VSTM5: variants seen among roughly 807,000 people sequenced by gnomAD.
VSTM5 encodes V-set and transmembrane domain containing 5.
VSTM5 carries 21 observed loss-of-function variants against 20.3 expected under a neutral mutation model. That is an observed-to-expected ratio of 1.03 (90% CI 0.73 to 1.49). VSTM5 has a LOEUF of 1.49. VSTM5 is among the 40% of genes most tolerant of loss of function. The pLI is 0.00. For missense variants in VSTM5, 219 were observed against 250.0 expected (o/e 0.88, Z 0.84); for synonymous variants, 100 against 102.5 (o/e 0.98, Z 0.14).
chr11:93,838,627 TAA>T (rs56088617), intron 1 of VSTM5, among the ~76,000 whole-genome samples: 1,649 of 93,230 alleles, frequency 0.018, 27 homozygotes, highest in African/African-American at 0.055. Context: ...TCCCGTCTCT[TAA>T]AAAAAAAAAA....
intron 1 of VSTM5, chr11:93,821,830 A>G (rs7940598): frequency 0.05 from 7,977 of 159,084 alleles, 714 homozygotes; most frequent in African/African-American, 0.18. Context: ...CTTTATCCCT[A>G]TGGTCCCTGA....
intron 1 of VSTM5, among the ~76,000 whole-genome samples, chr11:93,833,093 C>T (rs1009112987): frequency 1.3e-5 from 2 of 152,194 alleles, no homozygotes; most frequent in African/African-American, 4.8e-5. Context: ...ATAAAATGCA[C>T]ACCAGAATTT....
chr11:93,832,197 T>C (rs936807375), intron 1 of VSTM5, among the ~76,000 whole-genome samples: 1 of 152,194 alleles, frequency 6.6e-6, no homozygotes, highest in Non-Finnish European at 1.5e-5. Context: ...AAAATATCAG[T>C]ATTCATGTTT....
In VSTM5 at chr11:93,850,517, C is replaced by T. The variant is rs1335688466; in HGVS notation, c.-15G>A. On this transcript the variant is annotated 5_prime_UTR_variant, in exon 1 of 4. Transcript: ENST00000409977. ...AGAGGCCTCATGGGCGAGCCCGGGGCCTCGCGGGCCGGGGTGTGTGCTGGC... is the reference window on the plus strand; with the variant it reads ...AGAGGCCTCATGGGCGAGCCCGGGGTCTCGCGGGCCGGGGTGTGTGCTGGC... 4 of 1,545,288 alleles carry T rather than the reference C, an allele frequency of 2.6e-6. No homozygotes were observed. Among genetic ancestry groups the T allele is most frequent in the East Asian group, 4.9e-5 (2 of 40,696 alleles).
At chr11:93,842,436 G>A (rs1400686438) in intron 1 of VSTM5, among the ~76,000 whole-genome samples, 1 of 152,200 alleles carries the variant, frequency 6.6e-6, no homozygotes, top group Non-Finnish European at 1.5e-5. Flanking sequence ...ACCTTTTCCA[G>A]GCACCAACAA....
Position 93,819,860 on chromosome 11 carries a change from A to G in VSTM5, c.*709T>C, listed in dbSNP as rs187383992. ...GAGGGAAAATCCAATTAACGTTGGA[A>G]TGAGGGAGGAAGAGAAAGATAATTT... On this transcript the variant is annotated 3_prime_UTR_variant, in exon 4 of 4. Coordinates refer to ENST00000409977, the MANE Select transcript of VSTM5 (RefSeq NM_001144871.2). The G allele has an allele frequency of 7.2e-5, 11 of 152,400 alleles. No individual in the cohort carries two copies. In the East Asian group the frequency reaches 2.1e-3, roughly 29 times the overall value. 9.4% of individuals were successfully genotyped at this position (152,400 alleles called of 1,614,324 possible).
At chr11:93,844,730 C>G (rs1286676092) in intron 1 of VSTM5, among the ~76,000 whole-genome samples, 21 of 152,202 alleles carry the variant, frequency 1.4e-4, no homozygotes, top group South Asian at 1.0e-3. Context: ...CTTCAAGAAG[C>G]TCCTCCCATT....
chr11:93,838,133 C>A (rs1944338748), intron 1 of VSTM5, among the ~76,000 whole-genome samples: 2 of 152,192 alleles, frequency 1.3e-5, no homozygotes, highest in African/African-American at 4.8e-5. Context: ...TCTGCACAAA[C>A]CCCTTCCCCT....
chr11:93,824,680 C>T (rs992725842), intron 1 of VSTM5, among the ~76,000 whole-genome samples: 4 of 152,062 alleles, frequency 2.6e-5, no homozygotes, highest in African/African-American at 9.7e-5. Flanking sequence ...TGATGTTGTC[C>T]CACTTACTCA....
At chr11:93,824,757 A>G (rs1484448867) in intron 1 of VSTM5, among the ~76,000 whole-genome samples, 1 of 152,176 alleles carries the variant, frequency 6.6e-6, no homozygotes, top group Non-Finnish European at 1.5e-5. Context: ...AATGTCAAGA[A>G]GTTTTTCCCC....
At chr11:93,820,718 A>G in intron 3 of VSTM5, 25 bp downstream of exon 3, 1 of 1,551,674 alleles carries the variant, frequency 6.4e-7, no homozygotes. Flanking sequence ...CCACTCATGG[A>G]TTATCACAAG....
At chr11:93,844,487 C>G (rs971082291) in intron 1 of VSTM5, among the ~76,000 whole-genome samples, 1 of 152,106 alleles carries the variant, frequency 6.6e-6, no homozygotes, top group Non-Finnish European at 1.5e-5. Context: ...AGATGCAAAG[C>G]CTTCCCAAGC....
At chr11:93,831,863 C>T (rs1025080566) in intron 1 of VSTM5, among the ~76,000 whole-genome samples, 2 of 152,126 alleles carry the variant, frequency 1.3e-5, no homozygotes, top group Non-Finnish European at 1.5e-5. Flanking sequence ...TGACCTGGGC[C>T]GTTATCAGAC....
Position 93,839,039 on chromosome 11 carries a change from C to A in VSTM5, c.91+11373G>T, listed in dbSNP as rs535083841. Among the ~76,000 whole-genome samples, 3 of 152,340 alleles carry A rather than the reference C, an allele frequency of 2.0e-5. No individual in the cohort carries two copies. The East Asian group carries it at 5.8e-4, about 29-fold the overall frequency. ...GTGAATTCAGCTGCCCAGCCAGCAA[C>A]GCCAGGCTCTTCTTACAGCCCGGCC... On this transcript the variant is annotated intron_variant, in intron 1 of 3. Transcript: ENST00000409977.
intron 1 of VSTM5, among the ~76,000 whole-genome samples, chr11:93,829,863 A>C (rs577050251): frequency 1.2e-4 from 18 of 152,308 alleles, no homozygotes; most frequent in African/African-American, 4.3e-4. Flanking sequence ...GCCCAATGTC[A>C]CGGTAAGTGG....
chr11:93,839,577 G>T (rs1055134313), intron 1 of VSTM5, among the ~76,000 whole-genome samples: 1 of 152,206 alleles, frequency 6.6e-6, no homozygotes, highest in Admixed American at 6.5e-5. Context: ...TCTATGAGGT[G>T]CATTAAAAAG....
intron 1 of VSTM5, among the ~76,000 whole-genome samples, chr11:93,846,019 T>C (rs967506018): frequency 1.3e-5 from 2 of 152,204 alleles, no homozygotes; most frequent in Non-Finnish European, 2.9e-5. Context: ...AGCCTTTTTG[T>C]GGGTTTGTTT....
intron 1 of VSTM5, among the ~76,000 whole-genome samples, chr11:93,836,536 T>C (rs1292582007): frequency 6.6e-6 from 1 of 151,954 alleles, no homozygotes; most frequent in South Asian, 2.1e-4. Flanking sequence ...GGACTTAGCA[T>C]AGGCTACTCC....
rs1377364197 is a variant in VSTM5, at chr11:93,818,332, A to G, written c.*2237T>C. 1.3e-5 allele frequency: 2 copies of G among 151,928 alleles called. No individual in the cohort carries two copies. Among genetic ancestry groups the G allele is most frequent in the African/African-American group, 4.8e-5 (2 of 41,344 alleles). The allele number at this position is 151,928 out of a possible 1,614,324, so 9.4% of individuals were successfully genotyped here. A position where few individuals can be genotyped will look rare whatever the true frequency, so the allele number is the denominator to read the frequency against. The stretch of plus-strand genomic sequence containing the variant: ...ACATTTACACTAGCTAATCTCTAAG[A>G]TTTTTATTTTTCTGAAAAGCAAAAA... On this transcript the variant is annotated 3_prime_UTR_variant, in exon 4 of 4. Coordinates refer to ENST00000409977, the MANE Select transcript of VSTM5 (RefSeq NM_001144871.2).
Sources: allele counts gnomAD v4.1 joint callset (sites outside exome capture counted in the v4.1 genomes callset), GRCh38; gene constraint gnomAD v4.1.1; transcripts MANE v1.5; gene names NCBI Gene and HGNC (gene_info 2026-07-23, HGNC 2026-07-21).